The following NCAM2 variants were observed in gnomAD, a reference collection of about 807,000 sequenced individuals.
NCAM2 encodes neural cell adhesion molecule 2, also known as N-CAM-2.
In NCAM2, 30 loss-of-function variants were observed where a neutral mutation model predicts 98.1. The ratio of observed to expected loss-of-function variants is 0.31; its 90% CI spans 0.23 to 0.41. The LOEUF (loss-of-function observed/expected upper bound fraction) is 0.41, where lower values mean the gene tolerates loss of function less well. Among genes scored for constraint, NCAM2 ranks in the 10% least tolerant of loss-of-function variants. NCAM2 has a pLI of 1.00. For missense variants in NCAM2, 867 were observed against 1,005.8 expected (o/e 0.86, Z 1.87); for synonymous variants, 368 against 342.4 (o/e 1.07, Z -0.83).
At chr21:21,102,288 TA>T (rs959668450) in intron 1 of NCAM2, among the ~76,000 whole-genome samples, 8 of 152,158 alleles carry the variant, frequency 5.3e-5, no homozygotes, top group East Asian at 1.9e-4. Flanking sequence ...TTTAAAATTG[TA>T]AAAAAAGTAC....
At chr21:21,450,957 G>A (rs915240475) in intron 12 of NCAM2, among the ~76,000 whole-genome samples, 5 of 143,188 alleles carry the variant, frequency 3.5e-5, no homozygotes, top group Non-Finnish European at 7.7e-5. Flanking sequence ...AAAGAAGTAG[G>A]AATATATATA....
At chr21:21,529,142 C>A (rs971495128) in intron 16 of NCAM2, among the ~76,000 whole-genome samples, 1 of 151,984 alleles carries the variant, frequency 6.6e-6, no homozygotes, top group African/African-American at 2.4e-5. Context: ...CATTCATCCC[C>A]CCTTATGAAA....
intron 12 of NCAM2, among the ~76,000 whole-genome samples, chr21:21,457,219 T>G (rs1426373609): frequency 6.6e-6 from 1 of 152,194 alleles, no homozygotes; most frequent in Admixed American, 6.5e-5. Context: ...CTCAGTATTC[T>G]TTGTGAATAC....
intron 11 of NCAM2, among the ~76,000 whole-genome samples, chr21:21,426,507 C>G (rs761566873): frequency 4.1e-4 from 62 of 152,294 alleles, no homozygotes; most frequent in Admixed American, 9.2e-4. Context: ...AGACCAAAGA[C>G]AGCCACCAAT....
At chr21:21,174,070 T>A (rs1325648665) in intron 1 of NCAM2, among the ~76,000 whole-genome samples, 1 of 152,154 alleles carries the variant, frequency 6.6e-6, no homozygotes, top group African/African-American at 2.4e-5. Context: ...ATTACGAGCG[T>A]GCGCCACTAC....
intron 1 of NCAM2, among the ~76,000 whole-genome samples, chr21:21,032,349 A>G (rs997552070): frequency 6.6e-6 from 1 of 152,196 alleles, no homozygotes; most frequent in East Asian, 1.9e-4. Context: ...TAAAATGGCT[A>G]TTTTAAAAAT....
At chr21:21,299,867 C>A (rs2073644850) in intron 5 of NCAM2, among the ~76,000 whole-genome samples, 1 of 151,852 alleles carries the variant, frequency 6.6e-6, no homozygotes, top group Non-Finnish European at 1.5e-5. Flanking sequence ...GATACCAAAT[C>A]CATGAATGCT....
At chr21:21,412,702 T>C (rs2076912277) in intron 10 of NCAM2, among the ~76,000 whole-genome samples, 1 of 152,182 alleles carries the variant, frequency 6.6e-6, no homozygotes, top group Non-Finnish European at 1.5e-5. Flanking sequence ...CCACTGACTT[T>C]AAACAGACAT....
chr21:21,285,552 C>T (rs980983), intron 3 of NCAM2, among the ~76,000 whole-genome samples: 125,941 of 151,878 alleles, frequency 0.83, 52,480 homozygotes, highest in East Asian at 0.99. Context: ...GGAAATACTT[C>T]TTTATTTTAA....
At position 21,540,620 on chromosome 21, in the gene NCAM2, A is replaced by C. The variant is rs1335477972; in HGVS notation, c.*2663A>C. The C allele has an allele frequency of 6.6e-6, 1 of 152,122 alleles. No homozygotes were observed. Among genetic ancestry groups the C allele is most frequent in the African/African-American group, 2.4e-5 (1 of 41,456 alleles). The allele number at this position is 152,122 out of a possible 1,614,324, so 9.4% of individuals were successfully genotyped here. ...TATTCTAGATTAAACAAACATATAC[A>C]TATAACCATATAAATGTTATTTTTA... On this transcript the variant is annotated 3_prime_UTR_variant, in exon 18 of 18. Coordinates refer to ENST00000400546, the MANE Select transcript of NCAM2 (RefSeq NM_004540.5).
At chr21:21,341,393 C>T (rs1465377081) in intron 8 of NCAM2, among the ~76,000 whole-genome samples, 1 of 151,994 alleles carries the variant, frequency 6.6e-6, no homozygotes, top group Non-Finnish European at 1.5e-5. Flanking sequence ...AGTCTTCAAG[C>T]CATATTTTGG....
intron 15 of NCAM2, among the ~76,000 whole-genome samples, chr21:21,485,860 A>C (rs1331816052): frequency 6.6e-6 from 1 of 152,180 alleles, no homozygotes; most frequent in Non-Finnish European, 1.5e-5. Flanking sequence ...ATAGCTACAG[A>C]ATCTTTTCAT....
At chr21:21,152,330 C>T (rs542417581) in intron 1 of NCAM2, among the ~76,000 whole-genome samples, 23 of 151,938 alleles carry the variant, frequency 1.5e-4, no homozygotes, top group Admixed American at 1.5e-3. Context: ...TTCAAATCCT[C>T]GAATATATAT....
chr21:21,005,120 T>G (rs1202690927), intron 1 of NCAM2, among the ~76,000 whole-genome samples: 2 of 152,192 alleles, frequency 1.3e-5, no homozygotes, highest in African/African-American at 4.8e-5. Flanking sequence ...AAGTGGAAGA[T>G]AGAGTGACCT....
chr21:21,163,099 A>G (rs2067838130), intron 1 of NCAM2, among the ~76,000 whole-genome samples: 2 of 152,204 alleles, frequency 1.3e-5, no homozygotes. Flanking sequence ...AGAGATGTTC[A>G]TATAATCATG....
At chr21:21,098,722 T>C (rs2066176667) in intron 1 of NCAM2, among the ~76,000 whole-genome samples, 1 of 151,860 alleles carries the variant, frequency 6.6e-6, no homozygotes, top group Non-Finnish European at 1.5e-5. Context: ...TCTTCATAAC[T>C]TTATCTGAAT....
intron 1 of NCAM2, among the ~76,000 whole-genome samples, chr21:21,152,922 C>G (rs1022205399): frequency 6.6e-6 from 1 of 151,892 alleles, no homozygotes; most frequent in South Asian, 2.1e-4. Flanking sequence ...TGTAAAGTTG[C>G]GTATGTGTCT....
At chr21:21,335,428 T>C in intron 6 of NCAM2, 77 bp from the exon 7 acceptor site, 2 of 1,274,992 alleles carry the variant, frequency 1.6e-6, no homozygotes, top group Non-Finnish European at 2.1e-6. Flanking sequence ...TCAATGCCTA[T>C]AGATTAAAAA....
intron 11 of NCAM2, among the ~76,000 whole-genome samples, chr21:21,428,400 C>T (rs1280250413): frequency 6.6e-6 from 1 of 152,174 alleles, no homozygotes; most frequent in African/African-American, 2.4e-5. Context: ...GGATCCTGAA[C>T]ATGAGGCTGA....
Sources: allele counts gnomAD v4.1 joint callset (sites outside exome capture counted in the v4.1 genomes callset), GRCh38; gene constraint gnomAD v4.1.1; transcripts MANE v1.5; gene names NCBI Gene and HGNC (gene_info 2026-07-23, HGNC 2026-07-21).